Variants in MYO6 observed in about 807,000 individuals in gnomAD.
The protein encoded by MYO6 is unconventional myosin-VI.
MYO6 carries 74 observed loss-of-function variants against 178.7 expected under a neutral mutation model. That is an observed-to-expected ratio of 0.41 (90% CI 0.34 to 0.50). The LOEUF is 0.50. Among genes scored for constraint, MYO6 ranks in the 20% least tolerant of loss-of-function variants. The probability of loss-of-function intolerance (pLI) is 0.09; values close to 1 mark genes in which losing one functional copy is unlikely to be tolerated. For missense variants in MYO6, 1,330 were observed against 1,547.4 expected (o/e 0.86, Z 2.36); for synonymous variants, 477 against 504.6 (o/e 0.95, Z 0.73).
chr6:75,816,387 G>A (rs1301881589), intron 1 of MYO6, among the ~76,000 whole-genome samples: 1 of 152,180 alleles, frequency 6.6e-6, no homozygotes, highest in African/African-American at 2.4e-5. Context: ...ACAGGGTCTT[G>A]TTCTGTCACC....
At chr6:75,824,507 A>G (rs755871160) in intron 3 of MYO6, among the ~76,000 whole-genome samples, 11 of 152,118 alleles carry the variant, frequency 7.2e-5, no homozygotes, top group Non-Finnish European at 1.6e-4. Flanking sequence ...TGAATGACAC[A>G]CTGTAACACA....
At chr6:75,872,785 G>GTT (rs201325735) in intron 19 of MYO6, among the ~76,000 whole-genome samples, 75 of 145,304 alleles carry the variant, frequency 5.2e-4, no homozygotes, top group Non-Finnish European at 7.3e-4. Context: ...AAAATTTTGA[G>GTT]TTTTTTTTTT....
At chr6:75,752,666 T>C (rs905310538) in intron 1 of MYO6, among the ~76,000 whole-genome samples, 4 of 152,242 alleles carry the variant, frequency 2.6e-5, no homozygotes, top group African/African-American at 9.6e-5. Flanking sequence ...GGAGTAGATA[T>C]GATAGGCCGT....
chr6:75,813,163 C>G (rs1456674417), intron 1 of MYO6, among the ~76,000 whole-genome samples: 1 of 152,134 alleles, frequency 6.6e-6, no homozygotes, highest in African/African-American at 2.4e-5. Flanking sequence ...TTGATGCCAC[C>G]TGGGAGGCAG....
intron 7 of MYO6, among the ~76,000 whole-genome samples, chr6:75,837,073 G>A (rs776743612): frequency 1.3e-5 from 2 of 152,076 alleles, no homozygotes; most frequent in Non-Finnish European, 2.9e-5. Flanking sequence ...TCTTTGAGCT[G>A]TCTTAAACAG....
chr6:75,908,049 A>G (rs535901432), intron 31 of MYO6, among the ~76,000 whole-genome samples: 1 of 152,334 alleles, frequency 6.6e-6, no homozygotes, highest in South Asian at 2.1e-4. Flanking sequence ...AACTATGACT[A>G]GAAACAAAAG....
chr6:75,789,342 TG>T (rs1469547553), intron 1 of MYO6, among the ~76,000 whole-genome samples: 19 of 152,352 alleles, frequency 1.2e-4, no homozygotes, highest in African/African-American at 4.1e-4. Context: ...TGGAGATACA[TG>T]GTCTTTCATT....
chr6:75,794,336 T>C (rs959772869), intron 1 of MYO6, among the ~76,000 whole-genome samples: 6 of 152,126 alleles, frequency 3.9e-5, no homozygotes, highest in African/African-American at 1.4e-4. Context: ...TGTAGCACAA[T>C]GAATTCAAGC....
chr6:75,765,287 G>A (rs1001008605), intron 1 of MYO6, among the ~76,000 whole-genome samples: 4 of 138,114 alleles, frequency 2.9e-5, no homozygotes, highest in African/African-American at 8.1e-5. Flanking sequence ...AGCGATTCTC[G>A]AGCCTCAGCC....
intron 18 of MYO6, 152 bp downstream of exon 18, chr6:75,867,257 T>C: frequency 1.5e-6 from 1 of 647,196 alleles, no homozygotes; most frequent in Non-Finnish European, 2.6e-6. Context: ...TAAAATATCA[T>C]AATGTAGGCC....
chr6:75,892,641 G>A lies in MYO6; in HGVS notation c.3058G>A (p.Glu1020Lys). 1 of 1,613,012 alleles carries A rather than the reference G, an allele frequency of 6.2e-7. No homozygotes were observed. Among genetic ancestry groups the A allele is most frequent in the Non-Finnish European group, 8.5e-7 (1 of 1,180,016 alleles). Residue 1020 changes from glutamate to lysine, a missense_variant, in exon 28 of 35, where the codon GAA becomes AAA. Glu to Lys is a moderately conservative substitution (Grantham distance 56). This residue lies in a region of MYO6 where 601 missense variants were observed against 626.1 expected (regional missense o/e 0.96). Coordinates refer to ENST00000369977, the MANE Select transcript of MYO6 (RefSeq NM_004999.4). Reference protein sequence around the residue: ...RELALRIAQSEAELISDEAQA... With the variant: ...RELALRIAQSKAELISDEAQA... ...GCTGGCCCTGAGGATTGCCCAGAGT[G>A]AAGCCGAGCTCATCAGTGATGAGGC...
chr6:75,812,759 T>G (rs976418268), intron 1 of MYO6, among the ~76,000 whole-genome samples: 7 of 152,152 alleles, frequency 4.6e-5, no homozygotes, highest in African/African-American at 1.7e-4. Context: ...GTTCCATCCA[T>G]GTTGTTGTAA....
chr6:75,775,512 A>G (rs1052853166), intron 1 of MYO6, among the ~76,000 whole-genome samples: 1 of 152,222 alleles, frequency 6.6e-6, no homozygotes, highest in Non-Finnish European at 1.5e-5. Flanking sequence ...TACGGGAGAC[A>G]GCAGCATCTG....
intron 19 of MYO6, among the ~76,000 whole-genome samples, chr6:75,872,582 A>G (rs1033573052): frequency 1.3e-5 from 2 of 152,208 alleles, no homozygotes; most frequent in Non-Finnish European, 2.9e-5. Flanking sequence ...ATAGAAAAAA[A>G]TCACATGTAC....
rs1169708469 is a variant in MYO6, at chr6:75,890,212, A to C, written c.2814A>C (p.Lys938Asn). The C allele has an allele frequency of 6.2e-7, 1 of 1,611,840 alleles. No individual in the cohort carries two copies. The highest frequency in any genetic ancestry group is 1.7e-5 in the Admixed American group (1 of 60,016). The part of the protein sequence containing the change: ...RIQEEMEKER[K>N]RREEDEKRRR... ...AAGAAGAAATGGAAAAGGAAAGAAAAAGACGTGAAGAAGACGAAAAACGTC... is the reference window on the plus strand; with the variant it reads ...AAGAAGAAATGGAAAAGGAAAGAAACAGACGTGAAGAAGACGAAAAACGTC... The change falls in exon 26 of 35, where the codon AAA (lysine) becomes AAC (asparagine). Residue 938 changes from lysine to asparagine, a missense_variant. Coordinates refer to ENST00000369977, the MANE Select transcript of MYO6 (RefSeq NM_004999.4).
intron 1 of MYO6, among the ~76,000 whole-genome samples, chr6:75,750,678 G>A (rs141752014): frequency 5.6e-4 from 85 of 151,238 alleles, no homozygotes; most frequent in African/African-American, 1.9e-3. Flanking sequence ...TCCCAGGTTC[G>A]AACGATTGAC....
intron 5 of MYO6, among the ~76,000 whole-genome samples, chr6:75,831,064 A>C (rs977715013): frequency 1.3e-5 from 2 of 152,130 alleles, no homozygotes; most frequent in African/African-American, 4.8e-5. Context: ...ACCACTGGAG[A>C]ATCTATGTGG....
intron 1 of MYO6, among the ~76,000 whole-genome samples, chr6:75,781,149 A>C (rs1766940831): frequency 6.6e-6 from 1 of 152,148 alleles, no homozygotes; most frequent in South Asian, 2.1e-4. Context: ...GGCCTTGGGC[A>C]TCTAAAAGGT....
intron 7 of MYO6, among the ~76,000 whole-genome samples, chr6:75,838,855 T>G (rs2150243482): frequency 6.6e-6 from 1 of 151,748 alleles, no homozygotes; most frequent in African/African-American, 2.4e-5. Context: ...AGAGACGGGG[T>G]TTCACCATGT....
Sources: gnomAD v4.1 joint callset for allele counts (sites outside exome capture counted in the v4.1 genomes callset) on GRCh38, gnomAD v4.1.1 for gene constraint, gnomAD v4.1.1 regional missense constraint, MANE v1.5 for transcripts, NCBI Gene and HGNC (gene_info 2026-07-23, HGNC 2026-07-21) for gene names.